Variants in SYNE2 observed in about 807,000 individuals in gnomAD.
SYNE2 encodes nesprin-2.
A neutral mutation model predicts 856.3 loss-of-function variants in SYNE2; 431 were observed. The observed-to-expected ratio is 0.50, with a 90% CI of 0.47 to 0.55. The LOEUF is 0.55. Among genes scored for constraint, SYNE2 ranks in the 20% least tolerant of loss-of-function variants. The probability of loss-of-function intolerance (pLI) is 0.00; values close to 1 mark genes in which losing one functional copy is unlikely to be tolerated. For synonymous variants in SYNE2, 2,923 were observed against 2,872.3 expected, an observed-to-expected ratio of 1.02 and a Z score of -0.56; for missense variants, 8,129 against 8,023.2, an observed-to-expected ratio of 1.01 and a Z score of -0.50.
intron 37 of SYNE2, 143 bp from the exon 38 acceptor site, chr14:64,022,608 C>T (rs2096943886): frequency 1.5e-6 from 1 of 680,988 alleles, no homozygotes; most frequent in African/African-American, 1.8e-5. Context: ...TTTATTAGCC[C>T]TCAAAATTGG....
chr14:64,052,335 C>T lies in SYNE2; in HGVS notation c.8422C>T (p.Leu2808=), dbSNP rs35960129. The T allele has an allele frequency of 3.8e-3, 6,082 of 1,614,126 alleles. 195 individuals are homozygous for T. In the African/African-American group the frequency reaches 0.071, roughly 19 times the overall value. The stretch of plus-strand genomic sequence containing the variant: ...TGAGGGCAGTGATTTAAATAATACC[C>T]TAGAGGACTTACGGAATCAATACCA... ...TYEGSDLNNT[L]EDLRNQYQML... The change falls in exon 48 of 116, where the codon CTA becomes TTA. Residue 2808 remains leucine (L), a synonymous_variant. Coordinates refer to ENST00000555002, the MANE Select transcript of SYNE2 (RefSeq NM_182914.3).
At chr14:63,969,720 G>A (rs546650854) in intron 11 of SYNE2, among the ~76,000 whole-genome samples, 3 of 152,106 alleles carry the variant, frequency 2.0e-5, no homozygotes, top group African/African-American at 7.2e-5. Flanking sequence ...GTTGATGGGC[G>A]ATTACGTTGC....
At chr14:63,930,938 A>G (rs147054397) in intron 2 of SYNE2, among the ~76,000 whole-genome samples, 3 of 152,314 alleles carry the variant, frequency 2.0e-5, no homozygotes, top group African/African-American at 7.2e-5. Flanking sequence ...TTTATAGCCA[A>G]GTCAAACAGA....
intron 1 of SYNE2, among the ~76,000 whole-genome samples, chr14:63,820,150 G>A (rs1300041591): frequency 6.6e-6 from 1 of 152,076 alleles, no homozygotes; most frequent in Non-Finnish European, 1.5e-5. Flanking sequence ...AAAGGGCAAA[G>A]TTGGAGAACT....
chr14:63,831,576 G>A (rs570604785), intron 1 of SYNE2, among the ~76,000 whole-genome samples: 2 of 87,312 alleles, frequency 2.3e-5, no homozygotes, highest in East Asian at 7.5e-4. Context: ...TTTTTTTTGA[G>A]ATGGGATCTC....
At chr14:64,128,608 A>T (rs970848517) in intron 74 of SYNE2, 55 bp downstream of exon 74, 2 of 1,085,604 alleles carry the variant, frequency 1.8e-6, no homozygotes, top group African/African-American at 3.1e-5. Context: ...AGAGCTTTGC[A>T]TATAAGCCGT....
At chr14:63,957,109 C>T (rs1456845949) in intron 8 of SYNE2, among the ~76,000 whole-genome samples, 1 of 151,268 alleles carries the variant, frequency 6.6e-6, no homozygotes, top group South Asian at 2.1e-4. Flanking sequence ...TGTATCAATA[C>T]TTCATTCCTT....
In SYNE2 at chr14:64,075,960, C is replaced by T. The variant is rs2097455339; in HGVS notation, c.10882C>T (p.Leu3628Phe). The T allele has an allele frequency of 6.2e-7, 1 of 1,613,634 alleles. No individual in the cohort carries two copies. The highest frequency in any genetic ancestry group is 1.3e-5 in the African/African-American group (1 of 74,882). Residue 3628 changes from leucine (L) to phenylalanine (F), a missense_variant, in exon 54 of 116, where the codon CTT (leucine) becomes TTT (phenylalanine). Coordinates refer to ENST00000555002, the MANE Select transcript of SYNE2 (RefSeq NM_182914.3). ...ATGCTTTTAGGAGCTTCAAAGCATC[C>T]TTAAGAAAGGGAAACTAACTTTTGA... ...SEQFEELQSI[L>F]KKGKLTFENI...
chr14:64,003,376 C>T (rs2096769938), intron 30 of SYNE2, 46 bp downstream of exon 30: 13 of 1,611,862 alleles, frequency 8.1e-6, no homozygotes, highest in Non-Finnish European at 1.1e-5. Flanking sequence ...TGACATCTTT[C>T]TGTATTTTCA....
chr14:63,948,692 A>G (rs1270525), intron 6 of SYNE2, among the ~76,000 whole-genome samples: 54,614 of 101,468 alleles, frequency 0.54, 15,450 homozygotes, highest in South Asian at 0.64. Flanking sequence ...ATATGTGTGT[A>G]TATATATATA....
chr14:64,017,573 TTC>T lies in SYNE2; in HGVS notation c.4888-18_4888-17del, dbSNP rs2096903008. On this transcript the variant is annotated intron_variant, in intron 33 of 115. Coordinates refer to ENST00000555002, the MANE Select transcript of SYNE2 (RefSeq NM_182914.3). Reference sequence around the variant, plus strand: ...GACTTTTCACTGCTACATATGTTGTTTCTCTTTTTAAATTATGGTAGATAAAT... The same window carrying T: ...GACTTTTCACTGCTACATATGTTGTTTCTTTTTAAATTATGGTAGATAAAT... 6.9e-6 allele frequency: 11 copies of T among 1,595,578 alleles called. No homozygotes were observed. Among genetic ancestry groups the T allele is most frequent in the Non-Finnish European group, 9.4e-6 (11 of 1,164,886 alleles).
At chr14:63,816,836 C>T (rs574887737) in intron 1 of SYNE2, among the ~76,000 whole-genome samples, 35 of 152,208 alleles carry the variant, frequency 2.3e-4, no homozygotes, top group Admixed American at 1.4e-3. Context: ...CGTGTCTCAG[C>T]GTCCTGGGTA....
chr14:64,139,862 T>C (rs1410272927), intron 79 of SYNE2, 79 bp from the exon 80 acceptor site: 1 of 1,463,876 alleles, frequency 6.8e-7, no homozygotes, highest in Non-Finnish European at 9.6e-7. Flanking sequence ...TACAATAAAA[T>C]AAGAAAATTT....
At position 64,024,419 on chromosome 14, in the gene SYNE2, C is replaced by T. The variant is rs2096961449; in HGVS notation, c.5800C>T (p.Arg1934Ter). The change falls in exon 39 of 116, where the codon CGA (arginine) becomes TGA (stop). Residue 1934 changes from arginine (R) to a stop codon, truncating the protein, a stop_gained. Transcript: ENST00000555002. LOFTEE classifies it high-confidence loss of function. ...AAAAATGGAGTCCATATGCCAGGCT[C>T]GAGCAAAGGAGCTTGAAGACTCCTT... ...LEKMESICQA[R>*]AKELEDSLQQ... 1 of 1,613,898 alleles carries T rather than the reference C, an allele frequency of 6.2e-7. No individual in the cohort carries two copies. Among genetic ancestry groups the T allele is most frequent in the Non-Finnish European group, 8.5e-7 (1 of 1,179,974 alleles).
intron 94 of SYNE2, among the ~76,000 whole-genome samples, chr14:64,174,194 C>T (rs2098423702): frequency 6.6e-6 from 1 of 151,968 alleles, no homozygotes; most frequent in Non-Finnish European, 1.5e-5. Context: ...GACTCAGCCT[C>T]CCAAGTAGCT....
chr14:63,882,164 C>T (rs369230705), intron 1 of SYNE2, among the ~76,000 whole-genome samples: 11 of 152,090 alleles, frequency 7.2e-5, no homozygotes, highest in African/African-American at 2.4e-4. Context: ...TATGGGAACA[C>T]GGAAAGGGGG....
intron 103 of SYNE2, among the ~76,000 whole-genome samples, chr14:64,211,488 G>A (rs1210738796): frequency 2.0e-5 from 3 of 152,196 alleles, no homozygotes; most frequent in Non-Finnish European, 4.4e-5. Context: ...GGGGCACCAG[G>A]CTGGCCTCAA....
chr14:64,224,781 A>C (rs2098710902), intron 114 of SYNE2, among the ~76,000 whole-genome samples: 2 of 152,162 alleles, frequency 1.3e-5, no homozygotes, highest in South Asian at 4.2e-4. Context: ...TTGCCATTAA[A>C]AACTTCAACA....
At chr14:63,915,711 A>G (rs912919008) in intron 2 of SYNE2, among the ~76,000 whole-genome samples, 2 of 152,126 alleles carry the variant, frequency 1.3e-5, no homozygotes, top group African/African-American at 4.8e-5. Context: ...TCTAGATGAC[A>G]TATTTTAAAA....
Sources: allele counts gnomAD v4.1 joint callset (sites outside exome capture counted in the v4.1 genomes callset), GRCh38; gene constraint gnomAD v4.1.1; transcripts MANE v1.5; gene names NCBI Gene and HGNC (gene_info 2026-07-23, HGNC 2026-07-21).